Variants in EIF2AK2 observed in about 807,000 individuals in gnomAD.
The protein encoded by EIF2AK2 is eukaryotic translation initiation factor 2 alpha kinase 2.
Under a neutral mutation model 70.5 loss-of-function variants are expected in EIF2AK2, and 40 were observed. That is an observed-to-expected ratio of 0.57 (90% CI 0.44 to 0.74). EIF2AK2 has a LOEUF of 0.74. Ranked by LOEUF, EIF2AK2 falls within the 30% of genes least tolerant of loss-of-function variation. The pLI is 0.00. For missense variants in EIF2AK2, 555 were observed against 644.3 expected (o/e 0.86, Z 1.50); for synonymous variants, 198 against 220.9 (o/e 0.90, Z 0.92).
intron 1 of EIF2AK2, among the ~76,000 whole-genome samples, chr2:37,149,466 T>C (rs1675668982): frequency 6.6e-6 from 1 of 152,196 alleles, no homozygotes. Flanking sequence ...CTATTTGATA[T>C]AAATTCAGAT....
At position 37,114,830 on chromosome 2, in the gene EIF2AK2, T is replaced by C. The variant is rs768191204; in HGVS notation, c.1278A>G (p.Lys426=). ...GTCCAAAGTCTCCAATCTTTACTTG[T>C]TTTGTATCTACTAAGAATATATTAC... The part of the protein sequence containing the change: ...KPSNIFLVDT[K]QVKIGDFGLV... Residue 426 remains lysine, a synonymous_variant, in exon 14 of 17, where the codon AAA becomes AAG. Transcript: ENST00000233057. 57 of 1,595,304 alleles carry C rather than the reference T, an allele frequency of 3.6e-5. No homozygotes were observed. The Admixed American group carries it at 1.0e-3, about 28-fold the overall frequency.
At chr2:37,126,967 GAAAAA>G (rs57802509) in intron 10 of EIF2AK2, among the ~76,000 whole-genome samples, 63 of 52,160 alleles carry the variant, frequency 1.2e-3, no homozygotes, top group African/African-American at 4.2e-3. Flanking sequence ...CAAAAAAACA[GAAAAA>G]AAAAAAAAAA....
At chr2:37,148,649 C>G (rs1028032049) in intron 2 of EIF2AK2, 6 of 832,534 alleles carry the variant, frequency 7.2e-6, no homozygotes, top group Non-Finnish European at 1.3e-5. Context: ...CATGCTTTTA[C>G]TTCAACTTAG....
At chr2:37,136,337 C>A (rs1358179887) in intron 9 of EIF2AK2, among the ~76,000 whole-genome samples, 1 of 152,224 alleles carries the variant, frequency 6.6e-6, no homozygotes, top group Non-Finnish European at 1.5e-5. Context: ...CTACGGGGAA[C>A]CTATTCCCTC....
chr2:37,131,638 T>C (rs973974003), intron 10 of EIF2AK2, among the ~76,000 whole-genome samples: 3 of 152,184 alleles, frequency 2.0e-5, no homozygotes, highest in East Asian at 1.9e-4. Flanking sequence ...TCTGATCTAA[T>C]TGAAAGTTCT....
intron 14 of EIF2AK2, among the ~76,000 whole-genome samples, chr2:37,111,436 G>A (rs1276834197): frequency 2.9e-5 from 4 of 137,796 alleles, no homozygotes; most frequent in Admixed American, 7.7e-5. Context: ...TCTCATTCCT[G>A]TTGACCAGGC....
rs558542249 is a variant in EIF2AK2, at chr2:37,138,833, T to C, written c.517-248A>G. 1.2e-4 allele frequency among the ~76,000 whole-genome samples: 19 copies of C among 152,276 alleles called. No homozygotes were observed. The East Asian group carries it at 3.7e-3, about 29-fold the overall frequency. ...TCTTTTCAGACAGGATCTGGCTCTG[T>C]TGTCTAGGTTGAAGTGCAGTGGCAC... On this transcript the variant is annotated intron_variant, in intron 6 of 16. Transcript: ENST00000233057.
intron 2 of EIF2AK2, chr2:37,148,629 C>A: frequency 1.2e-6 from 1 of 838,058 alleles, no homozygotes; most frequent in South Asian, 1.3e-5. Flanking sequence ...CAAGAATTGT[C>A]ATCAAATGAC....
intron 7 of EIF2AK2, 32 bp downstream of exon 7, chr2:37,138,477 G>C: frequency 1.9e-6 from 3 of 1,609,802 alleles, no homozygotes; most frequent in Non-Finnish European, 1.7e-6. Context: ...ATATGAATAT[G>C]TTAAGTATCT....
In EIF2AK2 at chr2:37,139,639, T is replaced by C; in HGVS notation, c.508A>G (p.Thr170Ala). The C allele has an allele frequency of 6.2e-7, 1 of 1,612,144 alleles. No individual in the cohort carries two copies. Among genetic ancestry groups the C allele is most frequent in the Non-Finnish European group, 8.5e-7 (1 of 1,179,580 alleles). Reference protein sequence around the residue: ...LAYLQILSEETSVKSDYLSSG... With the variant: ...LAYLQILSEEASVKSDYLSSG... ...CCAAAGGCAATACGTACCACTGAGG[T>C]TTCTTCTGATAATATCTGAAGATAT... is the stretch of plus-strand genomic sequence containing the variant. Residue 170 changes from threonine to alanine, a missense_variant, in exon 6 of 17, where the codon ACC becomes GCC. Coordinates refer to ENST00000233057, the MANE Select transcript of EIF2AK2 (RefSeq NM_001135651.3).
chr2:37,144,845 G>A (rs987955511), intron 4 of EIF2AK2, among the ~76,000 whole-genome samples: 1 of 151,740 alleles, frequency 6.6e-6, no homozygotes, highest in Non-Finnish European at 1.5e-5. Flanking sequence ...ACCTACCAAA[G>A]TGCTGGGACT....
chr2:37,122,244 G>A (rs1175127602), intron 12 of EIF2AK2, among the ~76,000 whole-genome samples: 1 of 152,206 alleles, frequency 6.6e-6, no homozygotes, highest in Non-Finnish European at 1.5e-5. Context: ...TGAAACAATG[G>A]AGTCAGGAAA....
chr2:37,141,526 A>G (rs1675330688), intron 5 of EIF2AK2, 27 bp downstream of exon 5: 1 of 1,602,008 alleles, frequency 6.2e-7, no homozygotes, highest in Admixed American at 1.8e-5. Context: ...ACAATGAAAC[A>G]GAAAGAAAAG....
chr2:37,126,474 C>T (rs1674734817), intron 10 of EIF2AK2, 63 bp from the exon 11 acceptor site: 3 of 1,559,328 alleles, frequency 1.9e-6, no homozygotes, highest in African/African-American at 1.4e-5. Context: ...CCCCGCCTCC[C>T]CACTCCTTTC....
chr2:37,145,443 G>A (rs749270412), intron 4 of EIF2AK2, among the ~76,000 whole-genome samples: 4 of 152,040 alleles, frequency 2.6e-5, no homozygotes, highest in East Asian at 1.9e-4. Flanking sequence ...GCGCCTGGCC[G>A]CGTTTGTGTT....
Position 37,104,073 on chromosome 2 carries a change from G to A in EIF2AK2, c.*3200C>T, listed in dbSNP as rs888243166. The A allele has an allele frequency of 4.6e-5, 7 of 152,348 alleles. No homozygotes were observed. The highest frequency in any genetic ancestry group is 1.7e-4 in the African/African-American group (7 of 41,450). 9.4% of individuals were successfully genotyped at this position (152,348 alleles called of 1,614,324 possible). On this transcript the variant is annotated 3_prime_UTR_variant, in exon 17 of 17. Transcript: ENST00000233057. ...GAGAATCACTTGAACCTGGGAGGCAGAGGTTGCAGTGAGCCGAGATCGTGC... is the reference window on the plus strand; with the variant it reads ...GAGAATCACTTGAACCTGGGAGGCAAAGGTTGCAGTGAGCCGAGATCGTGC...
intron 6 of EIF2AK2, 116 bp from the exon 7 acceptor site, chr2:37,138,701 T>G (rs756424894): frequency 3.4e-5 from 27 of 799,630 alleles, no homozygotes; most frequent in Admixed American, 5.9e-5. Context: ...TCCACAACCA[T>G]AAACAATTAC....
intron 14 of EIF2AK2, among the ~76,000 whole-genome samples, chr2:37,112,829 C>A (rs1198409770): frequency 2.0e-5 from 3 of 152,140 alleles, no homozygotes; most frequent in Non-Finnish European, 4.4e-5. Context: ...ACTACCTTCA[C>A]AATGTTGTAT....
At chr2:37,132,794 C>A (rs528330227) in intron 10 of EIF2AK2, among the ~76,000 whole-genome samples, 8 of 152,272 alleles carry the variant, frequency 5.3e-5, no homozygotes, top group African/African-American at 1.7e-4. Flanking sequence ...CTTTTCCAAC[C>A]CATCAAGCCA....
Sources: gnomAD v4.1 joint callset for allele counts (sites outside exome capture counted in the v4.1 genomes callset) on GRCh38, gnomAD v4.1.1 for gene constraint, MANE v1.5 for transcripts, NCBI Gene and HGNC (gene_info 2026-07-23, HGNC 2026-07-21) for gene names.